Variants in FYN observed in about 807,000 individuals in gnomAD.
FYN encodes tyrosine-protein kinase Fyn.
Under a neutral mutation model 70.2 loss-of-function variants are expected in FYN, and 10 were observed. That is an observed-to-expected ratio of 0.14 (90% CI 0.09 to 0.24). The LOEUF is 0.24. FYN is among the 10% of genes least tolerant of loss of function. The pLI, the probability that FYN is intolerant of heterozygous loss-of-function variation, is 1.00. For missense variants in FYN, 319 were observed against 673.1 expected (o/e 0.47, Z 5.82); for synonymous variants, 236 against 248.6 (o/e 0.95, Z 0.48).
At chr6:111,797,831 T>G (rs926676416) in intron 2 of FYN, among the ~76,000 whole-genome samples, 1 of 151,834 alleles carries the variant, frequency 6.6e-6, no homozygotes, top group Non-Finnish European at 1.5e-5. Context: ...GGCACGATCT[T>G]GGCTCACTGC....
chr6:111,865,729 TCTTA>T (rs985645372), intron 1 of FYN, among the ~76,000 whole-genome samples: 30 of 152,254 alleles, frequency 2.0e-4, no homozygotes, highest in Non-Finnish European at 7.3e-5. Flanking sequence ...CATAGTTTTT[TCTTA>T]CTTTATAGTT....
chr6:111,788,773 T>C (rs1015687427), intron 2 of FYN, among the ~76,000 whole-genome samples: 10 of 152,140 alleles, frequency 6.6e-5, no homozygotes, highest in Non-Finnish European at 1.3e-4. Flanking sequence ...CAAAGCCCAA[T>C]TGCCAGGGAG....
intron 3 of FYN, among the ~76,000 whole-genome samples, chr6:111,722,177 T>C (rs556278618): frequency 1.3e-5 from 2 of 152,280 alleles, no homozygotes; most frequent in African/African-American, 4.8e-5. Context: ...TAAATACTTA[T>C]TGAATTGAAT....
intron 13 of FYN, among the ~76,000 whole-genome samples, chr6:111,671,624 C>T (rs2237255): frequency 0.39 from 59,813 of 151,848 alleles, 12,344 homozygotes; most frequent in Admixed American, 0.49. Flanking sequence ...GAAATCATGA[C>T]GGACCGGGAC....
intron 3 of FYN, among the ~76,000 whole-genome samples, chr6:111,760,154 A>C (rs1802939757): frequency 6.6e-6 from 1 of 152,184 alleles, no homozygotes; most frequent in African/African-American, 2.4e-5. Flanking sequence ...TAAGCAACCA[A>C]ATCACCCCAT....
chr6:111,866,317 C>T (rs945071047), intron 1 of FYN, among the ~76,000 whole-genome samples: 5 of 152,134 alleles, frequency 3.3e-5, no homozygotes, highest in Non-Finnish European at 7.4e-5. Flanking sequence ...CAAACCCGGA[C>T]CCTACCCCAA....
rs1799474065 is a variant in FYN at position 111,694,213 on chromosome 6, G to C, written c.1273+162C>G. 6.6e-6 allele frequency among the ~76,000 whole-genome samples: 1 copy of C among 152,072 alleles called. No homozygotes were observed. The highest frequency in any genetic ancestry group is 1.5e-5 in the Non-Finnish European group (1 of 68,036). On this transcript the variant is annotated intron_variant, in intron 12 of 13. Coordinates refer to ENST00000354650, the MANE Select transcript of FYN (RefSeq NM_002037.5). The surrounding 1 kb of genome is among the most constrained non-coding windows in gnomAD (Gnocchi z 5.0). ...GGCCCACAACAGTCTCCCACCTGCA[G>C]AGCTGTCAAATTCCTGCCAGATCAA...
chr6:111,723,599 C>T (rs1229250069), intron 3 of FYN, among the ~76,000 whole-genome samples: 1 of 152,186 alleles, frequency 6.6e-6, no homozygotes, highest in Non-Finnish European at 1.5e-5. Context: ...TATGTAGGAA[C>T]TTGTGGTCTT....
At chr6:111,754,920 T>C (rs902536684) in intron 3 of FYN, among the ~76,000 whole-genome samples, 13 of 151,508 alleles carry the variant, frequency 8.6e-5, no homozygotes, top group Non-Finnish European at 1.5e-4. Flanking sequence ...TGAGAAAAAC[T>C]AATACAAACA....
intron 8 of FYN, among the ~76,000 whole-genome samples, chr6:111,700,982 T>TA (rs554639957): frequency 2.6e-3 from 372 of 141,532 alleles, no homozygotes; most frequent in Middle Eastern, 3.6e-3. Flanking sequence ...TATTTTCCAT[T>TA]AAAAAAAAAA....
intron 1 of FYN, among the ~76,000 whole-genome samples, chr6:111,869,417 G>T (rs1044225516): frequency 6.6e-6 from 1 of 152,274 alleles, no homozygotes; most frequent in African/African-American, 2.4e-5. Context: ...TTGAGATAGG[G>T]TCTCACTCTG....
chr6:111,682,857 G>A (rs1259768945), intron 12 of FYN, among the ~76,000 whole-genome samples: 1 of 152,188 alleles, frequency 6.6e-6, no homozygotes, highest in African/African-American at 2.4e-5. Context: ...GATGTAAAAG[G>A]CTCAGCACAG....
intron 8 of FYN, among the ~76,000 whole-genome samples, chr6:111,702,251 ATATC>A (rs1474549842): frequency 6.6e-6 from 1 of 152,250 alleles, no homozygotes; most frequent in African/African-American, 2.4e-5. Flanking sequence ...TATAAACTGC[ATATC>A]TAATAATTAT....
At chr6:111,751,291 A>T (rs1194151093) in intron 3 of FYN, among the ~76,000 whole-genome samples, 1 of 152,176 alleles carries the variant, frequency 6.6e-6, no homozygotes, top group African/African-American at 2.4e-5. Context: ...AAATGAGGCA[A>T]ATCAGCCCTG....
intron 4 of FYN, among the ~76,000 whole-genome samples, chr6:111,716,900 T>G (rs1267107628): frequency 2.6e-5 from 4 of 151,582 alleles, no homozygotes; most frequent in Non-Finnish European, 4.4e-5. Context: ...TTCTCCTGCC[T>G]CAGCCTCCCG....
At chr6:111,759,767 G>A (rs754738583) in intron 3 of FYN, 4 of 152,164 alleles carry the variant, frequency 2.6e-5, no homozygotes, top group African/African-American at 4.8e-5. Flanking sequence ...GCTCCCCGAC[G>A]GCAACGATTA....
chr6:111,766,768 C>T (rs932280174), intron 3 of FYN, among the ~76,000 whole-genome samples: 3 of 152,126 alleles, frequency 2.0e-5, no homozygotes, highest in African/African-American at 4.8e-5. Context: ...AACAGCAGCA[C>T]GGGGGTAACT....
chr6:111,683,612 CAA>C (rs1303182284), intron 12 of FYN, among the ~76,000 whole-genome samples: 1 of 152,008 alleles, frequency 6.6e-6, no homozygotes, highest in African/African-American at 2.4e-5. Flanking sequence ...TTTTCTGAAC[CAA>C]AGAGCCACCC....
chr6:111,679,406 G>C (rs994442923), intron 12 of FYN, among the ~76,000 whole-genome samples: 1 of 152,126 alleles, frequency 6.6e-6, no homozygotes, highest in African/African-American at 2.4e-5. Flanking sequence ...TTGTCTGAAG[G>C]CTGTCTCTGC....
Sources: allele counts gnomAD v4.1 joint callset (sites outside exome capture counted in the v4.1 genomes callset), GRCh38; gene constraint gnomAD v4.1.1; non-coding constraint Gnocchi (gnomAD v3.1); transcripts MANE v1.5; gene names NCBI Gene and HGNC (gene_info 2026-07-23, HGNC 2026-07-21).